MATR3: variants seen among roughly 807,000 people sequenced by gnomAD.
The protein encoded by MATR3 is matrin-3.
In MATR3, 4 loss-of-function variants were observed where a neutral mutation model predicts 85.5. That is an observed-to-expected ratio of 0.05 (90% CI 0.02 to 0.11). The LOEUF is 0.11. Among genes scored for constraint, MATR3 ranks in the 10% least tolerant of loss-of-function variants. The pLI is 1.00. For synonymous variants in MATR3, 336 were observed against 343.1 expected (o/e 0.98, Z 0.23); for missense variants, 685 against 1,016.1 (o/e 0.67, Z 4.43).
intron 1 of MATR3, among the ~76,000 whole-genome samples, chr5:139,300,458 A>G (rs1458482194): frequency 2.0e-5 from 3 of 152,202 alleles, no homozygotes; most frequent in Non-Finnish European, 4.4e-5. Flanking sequence ...GAAAGAGACT[A>G]CGGTGCAGAT....
intron 3 of MATR3, among the ~76,000 whole-genome samples, chr5:139,288,046 A>C (rs1753760056): frequency 6.6e-6 from 1 of 152,048 alleles, no homozygotes; most frequent in Non-Finnish European, 1.5e-5. Context: ...CCCCGTCTCT[A>C]CAAAAAATAC....
At chr5:139,324,384 C>G (rs1281081969) in intron 12 of MATR3, among the ~76,000 whole-genome samples, 1 of 150,004 alleles carries the variant, frequency 6.7e-6, no homozygotes, top group Non-Finnish European at 1.5e-5. Flanking sequence ...ACCTCCACCT[C>G]CCAGGTTCAA....
rs1425020594 is a variant in MATR3 at position 139,329,854 on chromosome 5, G to A, written c.*459G>A. The stretch of plus-strand genomic sequence containing the variant: ...AGACTTTCATTTGGAGTTTGAACCC[G>A]TTTTGGTTGCATTTCATTTTTGGAG... On this transcript the variant is annotated 3_prime_UTR_variant, in exon 15 of 15. Transcript: ENST00000394805. 1.3e-5 allele frequency: 6 copies of A among 454,382 alleles called. No homozygotes were observed. The highest frequency in any genetic ancestry group is 4.0e-5 in the African/African-American group (2 of 49,982). The allele number at this position is 454,382 out of a possible 1,614,324, so 28.1% of individuals were successfully genotyped here.
chr5:139,287,550 C>T (rs753220865), intron 3 of MATR3, among the ~76,000 whole-genome samples: 8 of 151,970 alleles, frequency 5.3e-5, no homozygotes, highest in African/African-American at 1.7e-4. Flanking sequence ...ACCCGGTGGG[C>T]GGAGGTTGCC....
intron 3 of MATR3, among the ~76,000 whole-genome samples, chr5:139,284,500 T>G (rs544866059): frequency 6.6e-6 from 1 of 151,934 alleles, no homozygotes; most frequent in East Asian, 1.9e-4. Flanking sequence ...CCCAACTATT[T>G]GGGTGGCTGA....
At chr5:139,296,577 C>T (rs1273498646) in intron 1 of MATR3, among the ~76,000 whole-genome samples, 1 of 152,118 alleles carries the variant, frequency 6.6e-6, no homozygotes, top group Non-Finnish European at 1.5e-5. Context: ...GCGAAATTGG[C>T]ATAGACAAAC....
At chr5:139,294,287 G>C (rs573432014) in intron 1 of MATR3, among the ~76,000 whole-genome samples, 1 of 152,330 alleles carries the variant, frequency 6.6e-6, no homozygotes, top group African/African-American at 2.4e-5. Context: ...AAGTCCTTGG[G>C]TAGCGCCAGT....
chr5:139,274,739 A>ATGT (rs1248036877), intron 1 of MATR3, among the ~76,000 whole-genome samples: 1 of 151,972 alleles, frequency 6.6e-6, no homozygotes, highest in African/African-American at 2.4e-5. Flanking sequence ...GAAGAAGACC[A>ATGT]TCCTGGCCAA....
intron 1 of MATR3, among the ~76,000 whole-genome samples, chr5:139,304,897 A>G (rs1179018401): frequency 6.6e-6 from 1 of 152,178 alleles, no homozygotes; most frequent in African/African-American, 2.4e-5. Flanking sequence ...AGTGGCTTGT[A>G]CATCTTATGT....
rs950386632 is a variant in MATR3 at position 139,315,664 on chromosome 5, T to C, written c.975-33T>C. The C allele has an allele frequency of 3.3e-6, 5 of 1,512,412 alleles. No individual in the cohort carries two copies. In the African/African-American group the frequency reaches 6.9e-5, roughly 21 times the overall value. The allele number at this position is 1,512,412 out of a possible 1,614,324, so 93.7% of individuals were successfully genotyped here. On this transcript the variant is annotated intron_variant, in intron 3 of 14. Transcript: ENST00000394805. ...GGCTGTTTTGTGAAAAGGACAGTTT[T>C]ATTTTAAAGTTAATTTTCTGGTCTT... is the stretch of plus-strand genomic sequence containing the variant.
rs769914717 is a variant in MATR3 at position 139,307,818 on chromosome 5, C to G, written c.403C>G (p.Pro135Ala). The G allele has an allele frequency of 6.2e-7, 1 of 1,614,064 alleles. No individual in the cohort carries two copies. Among genetic ancestry groups the G allele is most frequent in the Non-Finnish European group, 8.5e-7 (1 of 1,180,012 alleles). Residue 135 changes from proline to alanine, a missense_variant, in exon 2 of 15, where the codon CCT becomes GCT. Pro to Ala is a conservative substitution (Grantham distance 27). Around this residue, in one of 9 missense-constraint regions of MATR3, gnomAD observed 223 missense variants for 334.4 expected, o/e 0.67. Transcript: ENST00000394805. This position sits in a 1 kb window ranked among gnomAD's most constrained non-coding sequence, Gnocchi z 4.4. ...LSRYPEDKIT[P>A]ENLPQILLQL... The stretch of plus-strand genomic sequence containing the variant: ...TCGTTATCCAGAGGACAAGATTACT[C>G]CTGAGAATTTGCCCCAAATCCTTCT...
At chr5:139,323,964 CATTCAACT>C in intron 12 of MATR3, among the ~76,000 whole-genome samples, 1 of 151,932 alleles carries the variant, frequency 6.6e-6, no homozygotes, top group Non-Finnish European at 1.5e-5. Context: ...TTTTATGCAA[CATTCAACT>C]CAAAACCAAT....
intron 12 of MATR3, among the ~76,000 whole-genome samples, chr5:139,324,276 T>C (rs1428910570): frequency 6.6e-6 from 1 of 151,026 alleles, no homozygotes; most frequent in Non-Finnish European, 1.5e-5. Flanking sequence ...GCAGTCATTC[T>C]TCAGAGCATG....
At chr5:139,298,654 A>T (rs1490302643) in intron 1 of MATR3, among the ~76,000 whole-genome samples, 1 of 152,198 alleles carries the variant, frequency 6.6e-6, no homozygotes, top group Non-Finnish European at 1.5e-5. Context: ...GAGCAGAGAG[A>T]AAAGCCTAGG....
intron 14 of MATR3, among the ~76,000 whole-genome samples, chr5:139,327,389 A>G (rs1036351613): frequency 2.0e-5 from 3 of 150,210 alleles, no homozygotes; most frequent in Admixed American, 1.3e-4. Context: ...AATTGTGGCT[A>G]TTTGCAATGG....
chr5:139,315,659 A>C, intron 3 of MATR3, 38 bp from the exon 4 acceptor site: 4 of 1,421,274 alleles, frequency 2.8e-6, no homozygotes, highest in Non-Finnish European at 4.0e-6. Context: ...TGAAAAGGAC[A>C]GTTTTATTTT....
At chr5:139,325,956 TTTC>T (rs1755833394) in intron 13 of MATR3, among the ~76,000 whole-genome samples, 1 of 152,220 alleles carries the variant, frequency 6.6e-6, no homozygotes, top group Non-Finnish European at 1.5e-5. Context: ...CTGTATTATA[TTTC>T]TTTTTTTAAG....
At chr5:139,275,288 C>T (rs952024971) in intron 1 of MATR3, among the ~76,000 whole-genome samples, 1 of 151,782 alleles carries the variant, frequency 6.6e-6, no homozygotes, top group East Asian at 1.9e-4. Flanking sequence ...TGAGCCACCG[C>T]GCCCGGCCTA....
At chr5:139,326,369 T>C in intron 14 of MATR3, 85 bp downstream of exon 14, 1 of 1,337,400 alleles carries the variant, frequency 7.5e-7, no homozygotes, top group Non-Finnish European at 1.1e-6. Flanking sequence ...ATGTGTATAG[T>C]GTTCTCTCTA....
Sources: gnomAD v4.1 joint callset for allele counts (sites outside exome capture counted in the v4.1 genomes callset) on GRCh38, gnomAD v4.1.1 for gene constraint, gnomAD v4.1.1 regional missense constraint, Gnocchi (gnomAD v3.1) non-coding constraint, MANE v1.5 for transcripts, NCBI Gene and HGNC (gene_info 2026-07-23, HGNC 2026-07-21) for gene names.